The following RNF180 variants were observed in gnomAD, a reference collection of about 807,000 sequenced individuals.
RNF180 encodes the protein E3 ubiquitin-protein ligase RNF180.
A neutral mutation model predicts 59.2 loss-of-function variants in RNF180; 38 were observed. That is an observed-to-expected ratio of 0.64 (90% CI 0.50 to 0.84). RNF180 has a LOEUF of 0.84. Ranked by LOEUF, RNF180 falls within the 40% of genes least tolerant of loss-of-function variation. The pLI is 0.00. For synonymous variants in RNF180, 262 were observed against 240.3 expected, an observed-to-expected ratio of 1.09 and a Z score of -0.84; for missense variants, 705 against 700.9, an observed-to-expected ratio of 1.01 and a Z score of -0.07.
At chr5:64,273,989 G>C (rs1741578052) in intron 5 of RNF180, among the ~76,000 whole-genome samples, 1 of 152,032 alleles carries the variant, frequency 6.6e-6, no homozygotes, top group Non-Finnish European at 1.5e-5. Flanking sequence ...GTTCAATTTA[G>C]TTTAGTTATT....
intron 5 of RNF180, among the ~76,000 whole-genome samples, chr5:64,264,408 G>T (rs529946624): frequency 6.6e-6 from 1 of 151,924 alleles, no homozygotes; most frequent in South Asian, 2.1e-4. Flanking sequence ...AGGCCCCAGT[G>T]TGTGGTATTC....
intron 5 of RNF180, among the ~76,000 whole-genome samples, chr5:64,279,711 T>C (rs1394081344): frequency 6.6e-6 from 1 of 152,206 alleles, no homozygotes; most frequent in Non-Finnish European, 1.5e-5. Context: ...TTAGACTATT[T>C]AGAGTTATCT....
chr5:64,346,955 G>T (rs943651942), intron 7 of RNF180, among the ~76,000 whole-genome samples: 2 of 152,138 alleles, frequency 1.3e-5, no homozygotes, highest in Non-Finnish European at 2.9e-5. Flanking sequence ...CTGCATATCT[G>T]AACTATGATG....
intron 5 of RNF180, among the ~76,000 whole-genome samples, chr5:64,294,011 C>T (rs1296273428): frequency 3.3e-5 from 5 of 152,048 alleles, no homozygotes; most frequent in East Asian, 1.9e-4. Flanking sequence ...GCTATGTATG[C>T]GTGATGCATG....
At chr5:64,225,310 T>C (rs1463616219) in intron 5 of RNF180, among the ~76,000 whole-genome samples, 1 of 150,324 alleles carries the variant, frequency 6.7e-6, no homozygotes. Context: ...GTCTGGGAAG[T>C]GTGGAGCGCC....
intron 5 of RNF180, among the ~76,000 whole-genome samples, chr5:64,276,212 T>A (rs1447168965): frequency 1.5e-4 from 23 of 152,126 alleles, no homozygotes; most frequent in Admixed American, 1.5e-3. Flanking sequence ...TTAATTTCTT[T>A]GTTATCCACA....
At chr5:64,360,538 G>C (rs1403439864) in intron 7 of RNF180, among the ~76,000 whole-genome samples, 1 of 151,748 alleles carries the variant, frequency 6.6e-6, no homozygotes, top group East Asian at 1.9e-4. Flanking sequence ...ATTCAACATA[G>C]TGTTGGAAGT....
intron 5 of RNF180, among the ~76,000 whole-genome samples, chr5:64,256,633 C>T (rs991273212): frequency 6.6e-6 from 1 of 152,130 alleles, no homozygotes; most frequent in South Asian, 2.1e-4. Flanking sequence ...ATTCAGGTAG[C>T]GTGATGCCTC....
chr5:64,195,976 G>C (rs1579977066), intron 1 of RNF180, among the ~76,000 whole-genome samples: 1 of 152,160 alleles, frequency 6.6e-6, no homozygotes, highest in Non-Finnish European at 1.5e-5. Context: ...CACAGATATG[G>C]GGAGAGCTTG....
At chr5:64,221,226 C>T (rs1328814191) in intron 5 of RNF180, among the ~76,000 whole-genome samples, 2 of 151,936 alleles carry the variant, frequency 1.3e-5, no homozygotes, top group East Asian at 1.9e-4. Flanking sequence ...ATTCATTCTC[C>T]TCTTCCTCAA....
chr5:64,255,254 G>T (rs1743864160), intron 5 of RNF180, among the ~76,000 whole-genome samples: 1 of 152,066 alleles, frequency 6.6e-6, no homozygotes, highest in Non-Finnish European at 1.5e-5. Flanking sequence ...TGCACAACGT[G>T]CAGGTTTGTT....
At chr5:64,317,835 C>T (rs1339004154) in intron 5 of RNF180, among the ~76,000 whole-genome samples, 2 of 152,036 alleles carry the variant, frequency 1.3e-5, no homozygotes, top group Admixed American at 6.6e-5. Context: ...GCATTTAATA[C>T]ACCTAACTTA....
chr5:64,199,542 T>C (rs1751626004), intron 1 of RNF180, among the ~76,000 whole-genome samples: 1 of 152,216 alleles, frequency 6.6e-6, no homozygotes, highest in Non-Finnish European at 1.5e-5. Context: ...GAAAAACTGT[T>C]GATCTGTAGC....
chr5:64,345,655 TC>T (rs944788907), intron 7 of RNF180, among the ~76,000 whole-genome samples: 3 of 152,186 alleles, frequency 2.0e-5, no homozygotes. Context: ...CTGGGCCACT[TC>T]CAATCAACCA....
intron 5 of RNF180, among the ~76,000 whole-genome samples, chr5:64,304,043 A>G (rs148928188): frequency 7.2e-5 from 11 of 151,742 alleles, no homozygotes; most frequent in East Asian, 5.8e-4. Context: ...CCTGTGTTCT[A>G]TAAATGGAAG....
chr5:64,231,331 G>A (rs183399591), intron 5 of RNF180, among the ~76,000 whole-genome samples: 3 of 152,294 alleles, frequency 2.0e-5, no homozygotes, highest in African/African-American at 7.2e-5. Flanking sequence ...TAATGACAAA[G>A]ACAATAGATT....
intron 7 of RNF180, among the ~76,000 whole-genome samples, chr5:64,340,397 T>C (rs574095927): frequency 2.6e-5 from 4 of 152,346 alleles, no homozygotes; most frequent in African/African-American, 9.6e-5. Flanking sequence ...AATTATTTTA[T>C]TTGGTCATTA....
intron 7 of RNF180, among the ~76,000 whole-genome samples, chr5:64,351,555 CTT>C (rs1455023607): frequency 2.0e-5 from 3 of 151,888 alleles, no homozygotes; most frequent in Non-Finnish European, 4.4e-5. Flanking sequence ...ATAAATAGCT[CTT>C]ATTATTTTGA....
chr5:64,350,728 G>A (rs1399934272), intron 7 of RNF180, among the ~76,000 whole-genome samples: 2 of 152,010 alleles, frequency 1.3e-5, no homozygotes, highest in Non-Finnish European at 2.9e-5. Context: ...TAGATGTGTG[G>A]TATTATTTCT....
Sources: gnomAD v4.1 joint callset for allele counts (sites outside exome capture counted in the v4.1 genomes callset) on GRCh38, gnomAD v4.1.1 for gene constraint, MANE v1.5 for transcripts, NCBI Gene and HGNC (gene_info 2026-07-23, HGNC 2026-07-21) for gene names.